Variants in IL1RAPL1 observed in about 807,000 individuals in gnomAD.
IL1RAPL1 encodes interleukin 1 receptor accessory protein like 1, also known as interleukin-1 receptor accessory protein-like 1.
Under a neutral mutation model 48.4 loss-of-function variants are expected in IL1RAPL1, and 3 were observed. The observed-to-expected ratio is 0.06, with a 90% CI of 0.03 to 0.16. The LOEUF (loss-of-function observed/expected upper bound fraction) is 0.16, where lower values mean the gene tolerates loss of function less well. Among genes scored for constraint, IL1RAPL1 ranks in the 10% least tolerant of loss-of-function variants. IL1RAPL1 has a pLI of 1.00. For synonymous variants in IL1RAPL1, 185 were observed against 187.7 expected (o/e 0.99, Z 0.12); for missense variants, 349 against 530.6 (o/e 0.66, Z 3.36).
chrX:29,714,576 T>C (rs1400076892), intron 6 of IL1RAPL1, among the ~76,000 whole-genome samples: 3 of 112,172 alleles, frequency 2.7e-5, no homozygotes, highest in African/African-American at 9.7e-5. Flanking sequence ...TATATTGGTT[T>C]GGAAGGAGAC....
At chrX:28,912,424 G>A (rs1431032028) in intron 2 of IL1RAPL1, among the ~76,000 whole-genome samples, 1 of 110,681 alleles carries the variant, frequency 9.0e-6, no homozygotes, top group Non-Finnish European at 1.9e-5. Flanking sequence ...TTTTATTCCG[G>A]ATTTTATGCT....
At chrX:29,757,095 C>A (rs1928637073) in intron 6 of IL1RAPL1, among the ~76,000 whole-genome samples, 1 of 112,364 alleles carries the variant, frequency 8.9e-6, no homozygotes. Context: ...ACCTCCAGAA[C>A]TATGAGCCAA....
At chrX:29,322,239 TTCTG>T (rs1319331800) in intron 3 of IL1RAPL1, among the ~76,000 whole-genome samples, 3 of 110,057 alleles carry the variant, frequency 2.7e-5, no homozygotes, top group Non-Finnish European at 5.7e-5. Flanking sequence ...CTTTCTGTCT[TTCTG>T]TCTTTCTCTT....
chrX:29,566,609 T>A (rs1922416031), intron 5 of IL1RAPL1, among the ~76,000 whole-genome samples: 1 of 111,910 alleles, frequency 8.9e-6, no homozygotes, highest in African/African-American at 3.2e-5. Flanking sequence ...CCTGGCTAGA[T>A]GAGTGATATC....
At chrX:29,847,356 A>G (rs1931270962) in intron 6 of IL1RAPL1, among the ~76,000 whole-genome samples, 1 of 111,833 alleles carries the variant, frequency 8.9e-6, no homozygotes, top group African/African-American at 3.3e-5. Flanking sequence ...TTGACATCAG[A>G]AGGCCTGAAT....
chrX:29,425,821 C>T (rs966450309), intron 5 of IL1RAPL1, among the ~76,000 whole-genome samples: 3 of 110,512 alleles, frequency 2.7e-5, no homozygotes, highest in Middle Eastern at 4.7e-3. Flanking sequence ...GTGATCCACT[C>T]GCCTCAGCCT....
At chrX:29,592,120 G>A (rs1923396523) in intron 5 of IL1RAPL1, among the ~76,000 whole-genome samples, 1 of 111,900 alleles carries the variant, frequency 8.9e-6, no homozygotes, top group Admixed American at 9.5e-5. Context: ...AAGAACATGA[G>A]AGTGTTAATA....
At chrX:29,255,916 CAT>C (rs1299089722) in intron 2 of IL1RAPL1, among the ~76,000 whole-genome samples, 1 of 111,632 alleles carries the variant, frequency 9.0e-6, no homozygotes, top group African/African-American at 3.3e-5. Flanking sequence ...CTGCAATAAA[CAT>C]ATGAGTGCAG....
intron 2 of IL1RAPL1, among the ~76,000 whole-genome samples, chrX:28,945,369 G>A (rs1924271763): frequency 9.0e-6 from 1 of 111,428 alleles, no homozygotes; most frequent in Admixed American, 9.6e-5. Flanking sequence ...ATCAATGATA[G>A]ACTGGATAAA....
chrX:29,331,060 G>C (rs762978422), intron 3 of IL1RAPL1, among the ~76,000 whole-genome samples: 1 of 110,999 alleles, frequency 9.0e-6, no homozygotes. Flanking sequence ...CCAGCTACTC[G>C]GGAGGTTGAG....
chrX:29,798,690 G>A (rs1022375374), intron 6 of IL1RAPL1, among the ~76,000 whole-genome samples: 2 of 112,051 alleles, frequency 1.8e-5, no homozygotes, highest in Non-Finnish European at 3.8e-5. Flanking sequence ...CGCTAAGAAT[G>A]ACAATATAAT....
intron 2 of IL1RAPL1, among the ~76,000 whole-genome samples, chrX:29,109,513 C>T (rs1339760204): frequency 9.1e-6 from 1 of 109,996 alleles, no homozygotes; most frequent in Admixed American, 9.8e-5. Context: ...TTTAGGACGC[C>T]TGATTTTGTG....
chrX:29,159,828 T>C (rs147512518), intron 2 of IL1RAPL1, among the ~76,000 whole-genome samples: 1,521 of 111,735 alleles, frequency 0.014, 25 homozygotes, highest in African/African-American at 0.046. Flanking sequence ...TCTCCTGCCT[T>C]AGCCTCCCGA....
chrX:29,129,872 G>A (rs1014248798), intron 2 of IL1RAPL1, among the ~76,000 whole-genome samples: 1 of 111,333 alleles, frequency 9.0e-6, no homozygotes, highest in Non-Finnish European at 1.9e-5. Flanking sequence ...GGGATTACAG[G>A]CGTGAGCCAC....
At position 28,682,888 on chromosome X, in the gene IL1RAPL1, C is replaced by T. The variant is rs141914750; in HGVS notation, c.-25+94841C>T. ...GAAAGCACAAATATACTTTCTAGCT[C>T]CTGGCTATTGATATATGCGATTTAG... On this transcript the variant is annotated intron_variant, in intron 1 of 10. Transcript: ENST00000378993. Among the ~76,000 whole-genome samples, 17 of 111,779 alleles carry T rather than the reference C, an allele frequency of 1.5e-4. No individual in the cohort carries two copies. The East Asian group carries it at 4.8e-3, about 32-fold the overall frequency.
chrX:29,905,200 C>T (rs12847054), intron 6 of IL1RAPL1, among the ~76,000 whole-genome samples: 6,885 of 109,555 alleles, frequency 0.063, 244 homozygotes, highest in Admixed American at 0.17. Flanking sequence ...ATATCCTTTG[C>T]CCACTTTTTG....
intron 2 of IL1RAPL1, among the ~76,000 whole-genome samples, chrX:28,904,916 A>G (rs1028902144): frequency 8.9e-6 from 1 of 112,083 alleles, no homozygotes; most frequent in African/African-American, 3.2e-5. Flanking sequence ...AAAATCATAT[A>G]TCGTAACTTA....
intron 1 of IL1RAPL1, among the ~76,000 whole-genome samples, chrX:28,668,818 G>A (rs1053446162): frequency 3.6e-5 from 4 of 111,727 alleles, no homozygotes; most frequent in African/African-American, 9.8e-5. Flanking sequence ...TTAATGTACT[G>A]TGAGCCATGG....
At chrX:29,288,731 G>T (rs537010063) in intron 3 of IL1RAPL1, among the ~76,000 whole-genome samples, 1 of 112,073 alleles carries the variant, frequency 8.9e-6, no homozygotes, top group African/African-American at 3.2e-5. Flanking sequence ...TTGAGGAATC[G>T]CCACACTGTC....
Sources: gnomAD v4.1 joint callset for allele counts (sites outside exome capture counted in the v4.1 genomes callset) on GRCh38, gnomAD v4.1.1 for gene constraint, MANE v1.5 for transcripts, NCBI Gene and HGNC (gene_info 2026-07-23, HGNC 2026-07-21) for gene names.